SNX25: variants seen among roughly 807,000 people sequenced by gnomAD.
SNX25 encodes the protein sorting nexin-25.
A neutral mutation model predicts 113.7 loss-of-function variants in SNX25; 62 were observed. The ratio of observed to expected loss-of-function variants is 0.55; its 90% CI spans 0.44 to 0.67. The LOEUF is 0.67. Ranked by LOEUF, SNX25 falls within the 30% of genes least tolerant of loss-of-function variation. The probability of loss-of-function intolerance (pLI) is 0.00; values close to 1 mark genes in which losing one functional copy is unlikely to be tolerated. For missense variants in SNX25, 1,014 were observed against 1,161.0 expected, an observed-to-expected ratio of 0.87 and a Z score of 1.84; for synonymous variants, 421 against 436.2, an observed-to-expected ratio of 0.97 and a Z score of 0.43.
chr4:185,374,581 T>A, downstream of SNX25: 1 of 1,063,048 alleles, frequency 9.4e-7, no homozygotes, highest in Non-Finnish European at 1.3e-6. Flanking sequence ...ACTATGAATC[T>A]GTGCCCAAGG....
chr4:185,320,643 C>A, intron 7 of SNX25, 90 bp from the exon 8 acceptor site: 1 of 953,736 alleles, frequency 1.0e-6, no homozygotes, highest in Non-Finnish European at 1.5e-6. Context: ...CATTTTTACC[C>A]TAAATGTAGA....
chr4:185,293,204 T>C (rs1752420395), intron 6 of SNX25, among the ~76,000 whole-genome samples: 1 of 152,140 alleles, frequency 6.6e-6, no homozygotes, highest in Admixed American at 6.5e-5. Context: ...CTGTTGGAAA[T>C]GGAAAATAGA....
intron 1 of SNX25, among the ~76,000 whole-genome samples, chr4:185,240,428 G>A (rs1180405303): frequency 6.6e-6 from 1 of 150,820 alleles, no homozygotes; most frequent in Admixed American, 6.6e-5. Flanking sequence ...GGATGGGGCG[G>A]CTGGCCGGGC....
rs1164352217 is a variant in SNX25 at position 185,259,001 on chromosome 4, T to C, written c.668T>C (p.Val223Ala). The change falls in exon 3 of 19, where the codon GTC becomes GCC. Residue 223 changes from valine (V) to alanine (A), a missense_variant. Physicochemically the swap from Val to Ala is moderately conservative, Grantham distance 64 (BLOSUM62 0). Coordinates refer to ENST00000652585, the MANE Select transcript of SNX25 (RefSeq NM_001378034.2). ...RLSHVDVVKVVCNDVVRTLLT... is the reference protein window; with the variant it reads ...RLSHVDVVKVACNDVVRTLLT... ...AGTCACGTGGATGTGGTTAAAGTTG[T>C]CTGCAATGATGTTGTGAGGACTTTA... 1.9e-6 allele frequency: 3 copies of C among 1,614,068 alleles called. No individual in the cohort carries two copies. The highest frequency in any genetic ancestry group is 1.3e-5 in the African/African-American group (1 of 74,934).
chr4:185,302,079 TTG>T (rs1227611090), intron 6 of SNX25, among the ~76,000 whole-genome samples: 1 of 149,580 alleles, frequency 6.7e-6, no homozygotes. Flanking sequence ...TTTGTATATT[TTG>T]TGTGTGTGTG....
chr4:185,221,561 T>G (rs1739862179), intron 1 of SNX25, among the ~76,000 whole-genome samples: 1 of 152,138 alleles, frequency 6.6e-6, no homozygotes, highest in Non-Finnish European at 1.5e-5. Context: ...TAACAACCTT[T>G]CAATTGGTCT....
At chr4:185,369,031 T>TA (rs1216015747) in intron 11 of SNX25, among the ~76,000 whole-genome samples, 1 of 152,034 alleles carries the variant, frequency 6.6e-6, no homozygotes, top group Non-Finnish European at 1.5e-5. Context: ...TGGCCTCAGG[T>TA]AATCCTCCCA....
At chr4:185,222,735 T>G (rs1451754926) in intron 1 of SNX25, among the ~76,000 whole-genome samples, 1 of 152,208 alleles carries the variant, frequency 6.6e-6, no homozygotes, top group Non-Finnish European at 1.5e-5. Context: ...AGTACATATT[T>G]AAAAGAATGA....
chr4:185,374,121 A>G, downstream of SNX25: 2 of 1,601,088 alleles, frequency 1.2e-6, no homozygotes, highest in Non-Finnish European at 1.7e-6. Context: ...GCATTAAAAA[A>G]GAGGGAACGT....
chr4:185,222,661 C>T (rs992409776), intron 1 of SNX25, among the ~76,000 whole-genome samples: 3 of 152,202 alleles, frequency 2.0e-5, no homozygotes, highest in Non-Finnish European at 4.4e-5. Context: ...TATTGAACTC[C>T]ATATGAAGGC....
chr4:185,346,785 G>GT (rs1354270393), intron 13 of SNX25, 135 bp downstream of exon 13: 27 of 585,568 alleles, frequency 4.6e-5, no homozygotes, highest in South Asian at 1.0e-4. Flanking sequence ...TATCTTGGGT[G>GT]TTTTTTTTAA....
At chr4:185,265,235 G>C (rs3112861) in intron 4 of SNX25, among the ~76,000 whole-genome samples, 1 of 152,006 alleles carries the variant, frequency 6.6e-6, no homozygotes, top group Non-Finnish European at 1.5e-5. Context: ...GGATGTGTCC[G>C]AAGAAATGTG....
chr4:185,240,623 G>A lies in SNX25; in HGVS notation c.430-6671G>A, dbSNP rs1238337878. Reference sequence around the variant, plus strand: ...CGGGCAGAGGCGCCCCTCACCTCCCGGACGGAGCGGCTGGCTGGGCGGGGG... The same window carrying A: ...CGGGCAGAGGCGCCCCTCACCTCCCAGACGGAGCGGCTGGCTGGGCGGGGG... On this transcript the variant is annotated intron_variant, in intron 1 of 18. Transcript: ENST00000652585. 2.2e-3 allele frequency among the ~76,000 whole-genome samples: 309 copies of A among 137,952 alleles called. 2 individuals are homozygous for A. The highest frequency in any genetic ancestry group is 3.9e-4 in the Non-Finnish European group (25 of 63,922). 90.5% of individuals were successfully genotyped at this position (137,952 alleles called of 152,430 possible).
At chr4:185,282,772 A>G (rs2126595449) in intron 5 of SNX25, among the ~76,000 whole-genome samples, 1 of 152,292 alleles carries the variant, frequency 6.6e-6, no homozygotes, top group East Asian at 1.9e-4. Context: ...TTTGCAAAAC[A>G]TATACCAACA....
At position 185,259,430 on chromosome 4, in the gene SNX25, A is replaced by G. The variant is rs1012338006; in HGVS notation, c.731+366A>G. ...ATTTAGACACGTTTAAATATGGTTC[A>G]TGTTTCTTTTTGTGAGTCCTATGTT... On this transcript the variant is annotated intron_variant, in intron 3 of 18. Transcript: ENST00000652585. Among the ~76,000 whole-genome samples the G allele has an allele frequency of 2.6e-5, 4 of 152,300 alleles. 1 individual carries two copies. The South Asian group carries it at 8.3e-4, about 32-fold the overall frequency.
At chr4:185,327,446 C>T (rs903403145) in intron 9 of SNX25, among the ~76,000 whole-genome samples, 2 of 152,222 alleles carry the variant, frequency 1.3e-5, no homozygotes, top group Non-Finnish European at 2.9e-5. Context: ...CAATCTCTGA[C>T]ATGCCTCAAC....
chr4:185,283,899 A>G (rs998135676), intron 5 of SNX25, among the ~76,000 whole-genome samples: 2 of 152,012 alleles, frequency 1.3e-5, no homozygotes, highest in Admixed American at 6.6e-5. Context: ...AAAATCTTTA[A>G]CTCTTTAGTC....
chr4:185,318,037 G>A (rs2095089270), intron 7 of SNX25, among the ~76,000 whole-genome samples: 1 of 152,004 alleles, frequency 6.6e-6, no homozygotes, highest in East Asian at 1.9e-4. Context: ...ATCATCCTCA[G>A]AAAAAATAAA....
intron 1 of SNX25, among the ~76,000 whole-genome samples, chr4:185,217,870 A>AT (rs1739124697): frequency 6.6e-6 from 1 of 152,200 alleles, no homozygotes; most frequent in Admixed American, 6.5e-5. Context: ...CCTTGCCAGC[A>AT]TTTTTAACAT....
Sources: allele counts gnomAD v4.1 joint callset (sites outside exome capture counted in the v4.1 genomes callset), GRCh38; gene constraint gnomAD v4.1.1; transcripts MANE v1.5; gene names NCBI Gene and HGNC (gene_info 2026-07-23, HGNC 2026-07-21).